The following RALGPS1 variants were observed in gnomAD, a reference collection of about 807,000 sequenced individuals.
RALGPS1 encodes Ral GEF with PH domain and SH3 binding motif 1, also known as ras-specific guanine nucleotide-releasing factor RalGPS1.
In RALGPS1, 19 loss-of-function variants were observed where a neutral mutation model predicts 78.8. The ratio of observed to expected loss-of-function variants is 0.24; its 90% CI spans 0.17 to 0.35. The LOEUF (loss-of-function observed/expected upper bound fraction) is 0.35, where lower values mean the gene tolerates loss of function less well. Among genes scored for constraint, RALGPS1 ranks in the 10% least tolerant of loss-of-function variants. RALGPS1 has a pLI of 1.00. For missense variants in RALGPS1, 454 were observed against 688.3 expected (o/e 0.66, Z 3.81); for synonymous variants, 228 against 256.3 (o/e 0.89, Z 1.06).
chr9:127,136,845 C>G (rs1295855051), intron 8 of RALGPS1, among the ~76,000 whole-genome samples: 1 of 152,182 alleles, frequency 6.6e-6, no homozygotes, highest in African/African-American at 2.4e-5. Context: ...TTTTCTGCCT[C>G]TGACCGCATG....
At chr9:126,968,162 C>T (rs957308860) in intron 3 of RALGPS1, among the ~76,000 whole-genome samples, 4 of 152,014 alleles carry the variant, frequency 2.6e-5, no homozygotes, top group African/African-American at 7.2e-5. Context: ...ACCACCATGC[C>T]CAGCTAATTT....
At chr9:127,154,726 T>C (rs573068117) in intron 8 of RALGPS1, among the ~76,000 whole-genome samples, 2 of 152,258 alleles carry the variant, frequency 1.3e-5, no homozygotes, top group Non-Finnish European at 1.5e-5. Context: ...ATTTTTGTTA[T>C]ACTTAAAGAC....
chr9:127,216,947 C>T (rs769548398), intron 18 of RALGPS1: 32 of 1,547,686 alleles, frequency 2.1e-5, no homozygotes, highest in South Asian at 7.2e-5. Context: ...CTGACAGCCA[C>T]GAGGTGGACC....
At chr9:127,081,660 T>C in intron 8 of RALGPS1, among the ~76,000 whole-genome samples, 1 of 152,252 alleles carries the variant, frequency 6.6e-6, no homozygotes, top group East Asian at 1.9e-4. Context: ...TTCCCAGCTC[T>C]GTTGAGGCTC....
intron 11 of RALGPS1, chr9:127,177,867 A>G (rs1350755684): frequency 6.5e-7 from 1 of 1,548,636 alleles, no homozygotes; most frequent in Non-Finnish European, 8.7e-7. Context: ...CAATCCACCC[A>G]CACCTCTACT....
At chr9:127,094,201 C>T (rs1190763005) in intron 8 of RALGPS1, among the ~76,000 whole-genome samples, 1 of 152,178 alleles carries the variant, frequency 6.6e-6, no homozygotes, top group Non-Finnish European at 1.5e-5. Flanking sequence ...TTCTCCCAGC[C>T]CCCAGTTTCT....
At chr9:126,972,224 T>C (rs2040187808) in intron 3 of RALGPS1, among the ~76,000 whole-genome samples, 1 of 152,196 alleles carries the variant, frequency 6.6e-6, no homozygotes, top group South Asian at 2.1e-4. Context: ...AATTTGAGCT[T>C]CAAAAGGATA....
intron 4 of RALGPS1, among the ~76,000 whole-genome samples, chr9:127,012,807 G>T (rs1458286267): frequency 6.6e-6 from 1 of 152,162 alleles, no homozygotes; most frequent in Non-Finnish European, 1.5e-5. Context: ...GTCTGCTTGG[G>T]ATGGTGGCTT....
In RALGPS1 at chr9:127,029,589, T is replaced by G. The variant is rs1193622048; in HGVS notation, c.217-4842T>G. 2.0e-5 allele frequency among the ~76,000 whole-genome samples: 3 copies of G among 152,368 alleles called. No homozygotes were observed. In the East Asian group the frequency reaches 5.8e-4, roughly 29 times the overall value. On this transcript the variant is annotated intron_variant, in intron 4 of 18. Coordinates refer to ENST00000259351, the MANE Select transcript of RALGPS1 (RefSeq NM_014636.3). The stretch of plus-strand genomic sequence containing the variant: ...TGAGGTCTGTTGTAGTGACTTGCCC[T>G]TGAGGCAATGCGTTTTCCATGTGGA...
chr9:127,176,144 T>C (rs781630873), intron 11 of RALGPS1, among the ~76,000 whole-genome samples: 3 of 152,156 alleles, frequency 2.0e-5, no homozygotes, highest in Non-Finnish European at 2.9e-5. Context: ...TCTCCGGAAA[T>C]GCTATTGTCT....
intron 4 of RALGPS1, chr9:126,990,066 C>G: frequency 6.5e-7 from 1 of 1,532,706 alleles, no homozygotes; most frequent in Non-Finnish European, 8.8e-7. Flanking sequence ...TCCAGAAAGC[C>G]GAGGTCAATG....
chr9:126,928,033 C>T (rs2035461378), intron 1 of RALGPS1, among the ~76,000 whole-genome samples: 1 of 152,170 alleles, frequency 6.6e-6, no homozygotes, highest in Non-Finnish European at 1.5e-5. Context: ...TCTACTCAGA[C>T]TGCTGGTGGC....
intron 6 of RALGPS1, 104 bp downstream of exon 6, chr9:127,050,236 C>A: frequency 1.0e-6 from 1 of 963,300 alleles, no homozygotes; most frequent in Non-Finnish European, 1.6e-6. Flanking sequence ...TTGCTGTGGG[C>A]CTGCCAGGCA....
intron 18 of RALGPS1, among the ~76,000 whole-genome samples, chr9:127,215,125 A>G (rs935392652): frequency 2.0e-5 from 3 of 152,166 alleles, no homozygotes; most frequent in African/African-American, 7.2e-5. Flanking sequence ...AGCAGCTGTG[A>G]TATCACCCCA....
chr9:126,940,068 G>A (rs1202099410), intron 1 of RALGPS1, among the ~76,000 whole-genome samples: 4 of 152,194 alleles, frequency 2.6e-5, no homozygotes, highest in Non-Finnish European at 4.4e-5. Flanking sequence ...CCAAGCCAGT[G>A]TTCTGGGATC....
intron 4 of RALGPS1, among the ~76,000 whole-genome samples, chr9:127,019,557 G>T (rs2045247847): frequency 6.6e-6 from 1 of 152,128 alleles, no homozygotes; most frequent in African/African-American, 2.4e-5. Context: ...TCGATCTCCA[G>T]ACCTTGTGAT....
intron 4 of RALGPS1, 56 bp from the exon 5 acceptor site, chr9:127,034,374 TG>T (rs2046680603): frequency 6.9e-7 from 1 of 1,457,160 alleles, no homozygotes; most frequent in East Asian, 2.3e-5. Flanking sequence ...TTAATGCCCC[TG>T]GTGTATTTTG....
Position 127,168,723 on chromosome 9 carries a change from G to A in RALGPS1, c.793G>A (p.Val265Ile), listed in dbSNP as rs1185869526. Residue 265 changes from valine (V) to isoleucine (I), a missense_variant, in exon 10 of 19, where the codon GTA (valine) becomes ATA (isoleucine). Transcript: ENST00000259351. ...CCATGTGCAGAAGTACCTGAAGTCC[G>A]TACGCTACATTGAAGAGCTCCAGAA... ...LPHVQKYLKS[V>I]RYIEELQKFV... 21 of 1,613,654 alleles carry A rather than the reference G, an allele frequency of 1.3e-5. No homozygotes were observed. The highest frequency in any genetic ancestry group is 1.8e-5 in the Non-Finnish European group (21 of 1,179,668).
intron 8 of RALGPS1, among the ~76,000 whole-genome samples, chr9:127,127,170 T>G (rs1267495738): frequency 6.6e-6 from 1 of 152,218 alleles, no homozygotes; most frequent in Non-Finnish European, 1.5e-5. Context: ...ACCCTCAAAG[T>G]CCAACCTCTT....
Sources: allele counts gnomAD v4.1 joint callset (sites outside exome capture counted in the v4.1 genomes callset), GRCh38; gene constraint gnomAD v4.1.1; transcripts MANE v1.5; gene names NCBI Gene and HGNC (gene_info 2026-07-23, HGNC 2026-07-21).